Variants in ARID5B observed in about 807,000 individuals in gnomAD.
ARID5B encodes AT-rich interaction domain 5B.
ARID5B carries 13 observed loss-of-function variants against 97.2 expected under a neutral mutation model. The ratio of observed to expected loss-of-function variants is 0.13; its 90% CI spans 0.09 to 0.21. ARID5B has a LOEUF of 0.21. ARID5B is among the 10% of genes least tolerant of loss of function. The probability of loss-of-function intolerance (pLI) is 1.00; values close to 1 mark genes in which losing one functional copy is unlikely to be tolerated. For missense variants in ARID5B, 1,210 were observed against 1,465.3 expected, an observed-to-expected ratio of 0.83 and a Z score of 2.84; for synonymous variants, 556 against 570.3, an observed-to-expected ratio of 0.97 and a Z score of 0.36.
intron 2 of ARID5B, among the ~76,000 whole-genome samples, chr10:61,931,365 AT>A: frequency 6.6e-6 from 1 of 152,364 alleles, no homozygotes; most frequent in South Asian, 2.1e-4. Context: ...GTGAAAACAG[AT>A]CATATTTCTA....
At chr10:61,921,015 A>G (rs1844005270) in intron 2 of ARID5B, among the ~76,000 whole-genome samples, 3 of 152,258 alleles carry the variant, frequency 2.0e-5, no homozygotes, top group Admixed American at 1.3e-4. Flanking sequence ...AGGCAGTTGC[A>G]TGAAGTATTT....
intron 3 of ARID5B, among the ~76,000 whole-genome samples, chr10:61,951,370 C>T (rs1339550719): frequency 6.6e-6 from 1 of 152,172 alleles, no homozygotes; most frequent in African/African-American, 2.4e-5. Flanking sequence ...CCTAAAACCC[C>T]AGAGCCTGTG....
intron 4 of ARID5B, chr10:62,024,731 A>G: frequency 2.5e-6 from 1 of 396,370 alleles, no homozygotes; most frequent in African/African-American, 2.1e-5. Flanking sequence ...AAACCAATGA[A>G]CTGAAGAAAA....
chr10:62,071,637 C>G (rs1840067585), intron 8 of ARID5B, among the ~76,000 whole-genome samples: 1 of 150,826 alleles, frequency 6.6e-6, no homozygotes, highest in South Asian at 2.1e-4. Context: ...TTGAGCAGGT[C>G]TGTGAATAAA....
At chr10:62,031,571 A>G (rs1220866279) in intron 4 of ARID5B, among the ~76,000 whole-genome samples, 1 of 152,208 alleles carries the variant, frequency 6.6e-6, no homozygotes, top group Non-Finnish European at 1.5e-5. Context: ...ACTGACTTAT[A>G]CCATTGGTTG....
intron 3 of ARID5B, among the ~76,000 whole-genome samples, chr10:61,954,945 A>C (rs1376789364): frequency 2.6e-5 from 4 of 151,712 alleles, no homozygotes; most frequent in African/African-American, 7.3e-5. Flanking sequence ...GGCGGAGGTC[A>C]TGGTGAGCCA....
chr10:61,916,387 T>G (rs111464782), intron 2 of ARID5B, among the ~76,000 whole-genome samples: 22 of 152,078 alleles, frequency 1.4e-4, no homozygotes, highest in African/African-American at 5.1e-4. Context: ...CAGCAGAGAC[T>G]ATATACCACA....
chr10:61,986,887 A>T (rs1311272911), intron 3 of ARID5B, among the ~76,000 whole-genome samples: 1 of 152,200 alleles, frequency 6.6e-6, no homozygotes, highest in African/African-American at 2.4e-5. Flanking sequence ...AAGACCCCCC[A>T]GGAAGTCACT....
intron 4 of ARID5B, among the ~76,000 whole-genome samples, chr10:62,004,165 T>C (rs1839117889): frequency 6.6e-6 from 1 of 152,214 alleles, no homozygotes; most frequent in Non-Finnish European, 1.5e-5. Context: ...AGGGTTTTGA[T>C]AGCATACCAT....
intron 3 of ARID5B, among the ~76,000 whole-genome samples, chr10:61,986,014 T>C (rs1007396249): frequency 3.9e-5 from 6 of 152,068 alleles, no homozygotes; most frequent in African/African-American, 1.4e-4. Context: ...GAAATTTGCG[T>C]CTCATAAAAA....
intron 2 of ARID5B, among the ~76,000 whole-genome samples, chr10:61,909,990 CT>C (rs1843775186): frequency 6.6e-6 from 1 of 152,198 alleles, no homozygotes; most frequent in Non-Finnish European, 1.5e-5. Context: ...TATGAAAAGA[CT>C]AGACTTCAGG....
chr10:62,018,233 T>C (rs1839308831), intron 4 of ARID5B, among the ~76,000 whole-genome samples: 1 of 152,136 alleles, frequency 6.6e-6, no homozygotes, highest in African/African-American at 2.4e-5. Flanking sequence ...TTATTCCAGC[T>C]CATTAGCACC....
At chr10:61,971,295 A>G (rs934512385) in intron 3 of ARID5B, among the ~76,000 whole-genome samples, 3 of 152,246 alleles carry the variant, frequency 2.0e-5, no homozygotes, top group African/African-American at 7.2e-5. Context: ...AATTTAAGTC[A>G]GTCCTCCTCC....
chr10:62,068,355 A>G (rs1205156148), intron 7 of ARID5B, among the ~76,000 whole-genome samples: 1 of 152,154 alleles, frequency 6.6e-6, no homozygotes, highest in Non-Finnish European at 1.5e-5. Context: ...TGAATGATGC[A>G]CAGCTAACAT....
At chr10:62,075,410 A>G (rs950997381) in intron 8 of ARID5B, among the ~76,000 whole-genome samples, 1 of 152,248 alleles carries the variant, frequency 6.6e-6, no homozygotes, top group Non-Finnish European at 1.5e-5. Flanking sequence ...GCTTGACACT[A>G]GGCTCTCCAG....
chr10:61,911,149 T>C (rs1177329454), intron 2 of ARID5B, among the ~76,000 whole-genome samples: 1 of 152,234 alleles, frequency 6.6e-6, no homozygotes. Flanking sequence ...TAATGGGCTT[T>C]GCTTTCTACA....
intron 3 of ARID5B, among the ~76,000 whole-genome samples, chr10:61,996,763 G>A (rs573994721): frequency 6.6e-6 from 1 of 152,006 alleles, no homozygotes; most frequent in South Asian, 2.1e-4. Flanking sequence ...TTTAAAATTT[G>A]CTGTCTTCTG....
chr10:62,034,925 T>C (rs1839542788), intron 4 of ARID5B, among the ~76,000 whole-genome samples: 1 of 152,238 alleles, frequency 6.6e-6, no homozygotes. Context: ...AAATTTTTTC[T>C]CCTAGGTGTT....
intron 2 of ARID5B, among the ~76,000 whole-genome samples, chr10:61,913,794 C>A (rs1466839825): frequency 6.6e-6 from 1 of 152,128 alleles, no homozygotes; most frequent in African/African-American, 2.4e-5. Context: ...TCTTTTTGCC[C>A]AGGCTGGAGT....
Sources: allele counts gnomAD v4.1 joint callset (sites outside exome capture counted in the v4.1 genomes callset), GRCh38; gene constraint gnomAD v4.1.1; transcripts MANE v1.5; gene names NCBI Gene and HGNC (gene_info 2026-07-23, HGNC 2026-07-21).